NCKAP5: variants seen among roughly 807,000 people sequenced by gnomAD.
NCKAP5 encodes the protein nck-associated protein 5.
NCKAP5 carries 92 observed loss-of-function variants against 167.0 expected under a neutral mutation model. The observed-to-expected ratio is 0.55, with a 90% CI of 0.47 to 0.66. The LOEUF (loss-of-function observed/expected upper bound fraction) is 0.66. NCKAP5 is among the 30% of genes least tolerant of loss of function. NCKAP5 has a pLI of 0.00. For synonymous variants in NCKAP5, 891 were observed against 877.4 expected (o/e 1.02, Z -0.27); for missense variants, 2,378 against 2,315.0 (o/e 1.03, Z -0.56).
chr2:133,054,633 C>T (rs1177099472), intron 6 of NCKAP5, among the ~76,000 whole-genome samples: 1 of 152,164 alleles, frequency 6.6e-6, no homozygotes, highest in Non-Finnish European at 1.5e-5. Context: ...TGAAATTAAT[C>T]TACTGGTGAC....
intron 4 of NCKAP5, among the ~76,000 whole-genome samples, chr2:133,229,084 T>A (rs890342275): frequency 6.6e-6 from 1 of 152,188 alleles, no homozygotes; most frequent in African/African-American, 2.4e-5. Context: ...AATTCTTAGA[T>A]GTGTAACCAC....
At chr2:133,503,352 C>T (rs1682708371) in intron 3 of NCKAP5, among the ~76,000 whole-genome samples, 1 of 152,164 alleles carries the variant, frequency 6.6e-6, no homozygotes, top group Admixed American at 6.5e-5. Flanking sequence ...TTTTAACTTT[C>T]TCAAACAATT....
At chr2:133,069,193 T>A (rs2080301465) in intron 6 of NCKAP5, among the ~76,000 whole-genome samples, 1 of 152,184 alleles carries the variant, frequency 6.6e-6, no homozygotes, top group Non-Finnish European at 1.5e-5. Context: ...GAAAATAACG[T>A]ACAAATGTAA....
intron 8 of NCKAP5, chr2:132,931,092 T>C (rs141737696): frequency 3.3e-5 from 5 of 152,292 alleles, no homozygotes; most frequent in Non-Finnish European, 7.3e-5. Flanking sequence ...CTACCCTGAC[T>C]TTTAGAAATT....
intron 6 of NCKAP5, among the ~76,000 whole-genome samples, chr2:133,060,201 T>G (rs930709983): frequency 7.2e-5 from 11 of 152,212 alleles, no homozygotes; most frequent in African/African-American, 2.7e-4. Flanking sequence ...TAGCATATTT[T>G]TTTAAATCTT....
intron 3 of NCKAP5, among the ~76,000 whole-genome samples, chr2:133,507,403 T>C (rs1357643844): frequency 1.3e-5 from 2 of 152,158 alleles, no homozygotes; most frequent in African/African-American, 2.4e-5. Context: ...TGAAAACAAC[T>C]GCTTAAAACC....
intron 3 of NCKAP5, among the ~76,000 whole-genome samples, chr2:133,458,782 CG>C (rs1692014218): frequency 6.6e-6 from 1 of 151,942 alleles, no homozygotes; most frequent in African/African-American, 2.4e-5. Flanking sequence ...TAAGGACTCT[CG>C]GGGTTTAGGA....
chr2:133,498,480 A>AGGAAGGCAGGCAGGC (rs1682162161), intron 3 of NCKAP5, among the ~76,000 whole-genome samples: 1 of 101,752 alleles, frequency 9.8e-6, no homozygotes, highest in African/African-American at 4.9e-5. Flanking sequence ...GGAAGGAAGG[A>AGGAAGGCAGGCAGGC]AGGCAGGCAG....
At chr2:133,132,181 G>A (rs763161230) in intron 5 of NCKAP5, among the ~76,000 whole-genome samples, 26 of 151,748 alleles carry the variant, frequency 1.7e-4, no homozygotes, top group East Asian at 9.7e-4. Context: ...CCAGCTACTC[G>A]GGAGGCTGAG....
At chr2:133,279,779 G>C (rs955211128) in intron 4 of NCKAP5, among the ~76,000 whole-genome samples, 1 of 152,140 alleles carries the variant, frequency 6.6e-6, no homozygotes, top group African/African-American at 2.4e-5. Flanking sequence ...ACTAAATAGT[G>C]CCTGGTTAAA....
chr2:133,017,020 G>A (rs551416958), intron 6 of NCKAP5, among the ~76,000 whole-genome samples: 12 of 152,296 alleles, frequency 7.9e-5, no homozygotes, highest in African/African-American at 2.9e-4. Flanking sequence ...TAGGCAGTGT[G>A]AAATGTGTTC....
At chr2:133,113,963 C>A (rs368441258) in intron 6 of NCKAP5, among the ~76,000 whole-genome samples, 2 of 152,188 alleles carry the variant, frequency 1.3e-5, no homozygotes, top group East Asian at 3.9e-4. Flanking sequence ...ATGCTTGATT[C>A]GGCCTTCCAG....
intron 3 of NCKAP5, among the ~76,000 whole-genome samples, chr2:133,335,327 A>G (rs1050259652): frequency 3.9e-5 from 6 of 152,202 alleles, no homozygotes; most frequent in Admixed American, 3.3e-4. Context: ...ACAGAAATAT[A>G]AGCCAAATCT....
chr2:133,100,691 T>G (rs936796717), intron 6 of NCKAP5, among the ~76,000 whole-genome samples: 2 of 152,162 alleles, frequency 1.3e-5, no homozygotes, highest in African/African-American at 4.8e-5. Flanking sequence ...CAAATGTAAT[T>G]TATCTTTTGA....
At chr2:132,687,999 AG>A (rs1007285027) in intron 19 of NCKAP5, among the ~76,000 whole-genome samples, 1 of 152,178 alleles carries the variant, frequency 6.6e-6, no homozygotes, top group African/African-American at 2.4e-5. Flanking sequence ...AATGGCAATC[AG>A]GGTTTTGCTC....
At chr2:132,977,590 G>T (rs1213156924) in intron 7 of NCKAP5, among the ~76,000 whole-genome samples, 1 of 152,086 alleles carries the variant, frequency 6.6e-6, no homozygotes, top group Non-Finnish European at 1.5e-5. Context: ...CCAACCAGGG[G>T]TTACCTAAAA....
Position 132,782,837 on chromosome 2 carries a change from T to C in NCKAP5, c.3974A>G (p.Lys1325Arg), listed in dbSNP as rs777790417. ...QNSSTESSPN[K>R]APSAPMLESL... is the part of the protein sequence containing the mutation. ...CTCCAACATGGGAGCAGAAGGGGCC[T>C]TGTTGGGAGAGCTTTCCGTGGAAGA... is the stretch of plus-strand genomic sequence containing the variant. Residue 1325 changes from lysine to arginine, a missense_variant, in exon 14 of 20, where the codon AAG becomes AGG. Lys to Arg is a conservative substitution (Grantham distance 26). Transcript: ENST00000409261. 16 of 1,613,684 alleles carry C rather than the reference T, an allele frequency of 9.9e-6. No homozygotes were observed. The highest frequency in any genetic ancestry group is 1.2e-5 in the Non-Finnish European group (14 of 1,179,846).
chr2:133,390,086 A>G (rs1210865938), intron 3 of NCKAP5, among the ~76,000 whole-genome samples: 1 of 152,140 alleles, frequency 6.6e-6, no homozygotes, highest in Non-Finnish European at 1.5e-5. Flanking sequence ...ATGTGATAAC[A>G]CTCACCTATG....
chr2:133,560,308 C>G (rs1558785939), intron 1 of NCKAP5, among the ~76,000 whole-genome samples: 1 of 152,202 alleles, frequency 6.6e-6, no homozygotes, highest in South Asian at 2.1e-4. Context: ...GGGCCAGCCA[C>G]TGTTCTAGGT....
Sources: allele counts gnomAD v4.1 joint callset (sites outside exome capture counted in the v4.1 genomes callset), GRCh38; gene constraint gnomAD v4.1.1; transcripts MANE v1.5; gene names NCBI Gene and HGNC (gene_info 2026-07-23, HGNC 2026-07-21).